The following ELL2 variants were observed in gnomAD, a reference collection of about 807,000 sequenced individuals.
The protein encoded by ELL2 is elongation factor for RNA polymerase II 2.
ELL2 carries 21 observed loss-of-function variants against 72.8 expected under a neutral mutation model. The ratio of observed to expected loss-of-function variants is 0.29; its 90% confidence interval spans 0.20 to 0.42. The LOEUF is 0.42. ELL2 is among the 10% of genes least tolerant of loss of function. ELL2 has a pLI of 1.00. For synonymous variants in ELL2, 266 were observed against 283.2 expected (o/e 0.94, Z 0.61); for missense variants, 568 against 772.8 (o/e 0.73, Z 3.14).
At position 95,898,558 on chromosome 5, in the gene ELL2, C is replaced by T. The variant is rs547693201; in HGVS notation, c.1207G>A (p.Glu403Lys). 1 of 1,613,952 alleles carries T rather than the reference C, an allele frequency of 6.2e-7. No homozygotes were observed. Among genetic ancestry groups the T allele is most frequent in the African/African-American group, 1.3e-5 (1 of 74,922 alleles). The change falls in exon 8 of 12, where the codon GAA becomes AAA. Residue 403 changes from glutamate (E) to lysine (K), a missense_variant. Coordinates refer to ENST00000237853, the MANE Select transcript of ELL2 (RefSeq NM_012081.6). Reference protein sequence around the residue: ...NSNSNSPSTPEGRGTQDLPVD... With the variant: ...NSNSNSPSTPKGRGTQDLPVD... ...GGTAGGTCTTGAGTCCCCCGGCCTT[C>T]TGGAGTGCTAGGGGAGTTGGAGTTA...
intron 1 of ELL2, among the ~76,000 whole-genome samples, chr5:95,949,330 T>C (rs1361046110): frequency 1.3e-5 from 2 of 152,210 alleles, no homozygotes; most frequent in African/African-American, 4.8e-5. Flanking sequence ...CTCTTGATTA[T>C]TTACATATTG....
chr5:95,921,248 GT>G (rs1750070555), intron 2 of ELL2, among the ~76,000 whole-genome samples: 1 of 152,148 alleles, frequency 6.6e-6, no homozygotes, highest in Non-Finnish European at 1.5e-5. Flanking sequence ...AAAGAAAAAT[GT>G]TTTTTGAAAG....
In ELL2 at chr5:95,956,215, T is replaced by A. The variant is rs116011247; in HGVS notation, c.147+5360A>T. On this transcript the variant is annotated intron_variant, in intron 1 of 11. Transcript: ENST00000237853. The stretch of plus-strand genomic sequence containing the variant: ...TTCTGGTGCCAAGCTTCCCTGTCTA[T>A]CTTTTTAGGCAATCTGGCTACTACT... 2.9e-3 allele frequency among the ~76,000 whole-genome samples: 447 copies of A among 152,308 alleles called. 5 individuals are homozygous for A. Among genetic ancestry groups the A allele is most frequent in the South Asian group, 6.8e-3 (33 of 4,824 alleles).
rs202129666 is a variant in ELL2, at chr5:95,900,963, G to A, written c.859C>T (p.Leu287Phe). The change falls in exon 6 of 12, where the codon CTC becomes TTC. Residue 287 changes from leucine (L) to phenylalanine (F), a missense_variant. By Grantham distance (22) the Leu-to-Phe change is conservative. This residue lies in a region of ELL2 where 511 missense variants were observed against 728.4 expected (regional missense o/e 0.70). Transcript: ENST00000237853. ...AAGAAAAAAAGAATTCACCTAGAGA[G>A]CACTGACTCCAATGACCGTCTGTCT... ...EIDRRSLESV[L>F]SRKLNPSQNA... The A allele has an allele frequency of 2.5e-6, 4 of 1,601,246 alleles. No homozygotes were observed. Among genetic ancestry groups the A allele is most frequent in the Non-Finnish European group, 3.4e-6 (4 of 1,176,956 alleles).
chr5:95,929,573 A>C (rs1750522028), intron 2 of ELL2, among the ~76,000 whole-genome samples: 1 of 152,094 alleles, frequency 6.6e-6, no homozygotes, highest in African/African-American at 2.4e-5. Context: ...ACCCACTTTT[A>C]TATATATTTG....
At chr5:95,948,503 T>G (rs1027555125) in intron 1 of ELL2, among the ~76,000 whole-genome samples, 6 of 145,492 alleles carry the variant, frequency 4.1e-5, no homozygotes, top group African/African-American at 1.5e-4. Context: ...ATCTGATCAC[T>G]CACTGTGTTA....
intron 4 of ELL2, among the ~76,000 whole-genome samples, chr5:95,909,612 G>GA (rs1749503771): frequency 6.6e-6 from 1 of 152,152 alleles, no homozygotes; most frequent in Admixed American, 6.5e-5. Flanking sequence ...ATTTGCCTCA[G>GA]AAAAAAGCCA....
intron 10 of ELL2, chr5:95,890,856 G>T: frequency 2.0e-6 from 1 of 493,588 alleles, no homozygotes; most frequent in South Asian, 2.1e-5. Context: ...GTTGTGTTTG[G>T]TATTTTTCTC....
intron 5 of ELL2, among the ~76,000 whole-genome samples, chr5:95,903,061 T>C (rs889896926): frequency 2.0e-5 from 3 of 151,838 alleles, no homozygotes; most frequent in Non-Finnish European, 4.4e-5. Context: ...GCTGGGATTA[T>C]AGGTGTGAGC....
chr5:95,903,123 C>T (rs913817597), intron 5 of ELL2, among the ~76,000 whole-genome samples: 5 of 150,366 alleles, frequency 3.3e-5, no homozygotes, highest in African/African-American at 9.8e-5. Context: ...CAGCACTACA[C>T]ACATTGACAC....
chr5:95,929,787 A>G (rs1750529705), intron 2 of ELL2, among the ~76,000 whole-genome samples: 1 of 151,304 alleles, frequency 6.6e-6, no homozygotes, highest in Non-Finnish European at 1.5e-5. Context: ...AGGGTAAAAA[A>G]AAAAAAACAA....
intron 4 of ELL2, among the ~76,000 whole-genome samples, chr5:95,911,923 G>A (rs540717388): frequency 4.6e-5 from 7 of 152,316 alleles, no homozygotes; most frequent in African/African-American, 1.4e-4. Flanking sequence ...CGGATTGGCC[G>A]AGATCGATGC....
intron 3 of ELL2, among the ~76,000 whole-genome samples, chr5:95,915,464 C>T (rs545895939): frequency 6.6e-6 from 1 of 152,352 alleles, no homozygotes; most frequent in South Asian, 2.1e-4. Context: ...AACACACACA[C>T]AAAAACCAGT....
chr5:95,950,914 ATAT>A (rs1197213123), intron 1 of ELL2, among the ~76,000 whole-genome samples: 7 of 63,544 alleles, frequency 1.1e-4, no homozygotes, highest in Non-Finnish European at 1.9e-4. Context: ...GTATATATAT[ATAT>A]ATATATATAT....
chr5:95,921,046 A>G (rs1447313276), intron 2 of ELL2, among the ~76,000 whole-genome samples: 2 of 151,800 alleles, frequency 1.3e-5, no homozygotes, highest in Non-Finnish European at 1.5e-5. Flanking sequence ...GAATTGCTCA[A>G]TCTAAAAGTC....
chr5:95,950,882 A>G (rs1429761108), intron 1 of ELL2, among the ~76,000 whole-genome samples: 10 of 115,680 alleles, frequency 8.6e-5, no homozygotes, highest in African/African-American at 1.8e-4. Flanking sequence ...TTATTTATAT[A>G]TATATATGTA....
intron 4 of ELL2, among the ~76,000 whole-genome samples, chr5:95,907,296 A>ATATT: frequency 7.7e-5 from 9 of 116,494 alleles, no homozygotes; most frequent in African/African-American, 3.7e-4. Flanking sequence ...ATATATATAT[A>ATATT]TTTTTTTTTT....
intron 1 of ELL2, 118 bp from the exon 2 acceptor site, chr5:95,943,167 T>C: frequency 1.4e-6 from 1 of 692,648 alleles, no homozygotes; most frequent in Non-Finnish European, 2.1e-6. Flanking sequence ...ATGACTCTAA[T>C]CCCAGCACTT....
At chr5:95,922,519 A>G (rs971545974) in intron 2 of ELL2, among the ~76,000 whole-genome samples, 1 of 152,228 alleles carries the variant, frequency 6.6e-6, no homozygotes, top group African/African-American at 2.4e-5. Context: ...TGTCCACTAA[A>G]CAGAGTGTTA....
Sources: gnomAD v4.1 joint callset for allele counts (sites outside exome capture counted in the v4.1 genomes callset) on GRCh38, gnomAD v4.1.1 for gene constraint, gnomAD v4.1.1 regional missense constraint, MANE v1.5 for transcripts, NCBI Gene and HGNC (gene_info 2026-07-23, HGNC 2026-07-21) for gene names.